BMP1: variants seen among roughly 807,000 people sequenced by gnomAD.
BMP1 encodes bone morphogenetic protein 1, also known as mammalian tolloid protein.
A neutral mutation model predicts 116.8 loss-of-function variants in BMP1; 63 were observed. The observed-to-expected ratio is 0.54, with a 90% CI of 0.44 to 0.67. BMP1 has a LOEUF of 0.67. Among genes scored for constraint, BMP1 ranks in the 30% least tolerant of loss-of-function variants. The pLI, the probability that BMP1 is intolerant of heterozygous loss-of-function variation, is 0.00. For synonymous variants in BMP1, 536 were observed against 533.4 expected (o/e 1.00, Z -0.07); for missense variants, 1,183 against 1,358.9 (o/e 0.87, Z 2.04).
chr8:22,207,180 C>T, intron 17 of BMP1, 123 bp from the exon 18 acceptor site: 2 of 1,382,628 alleles, frequency 1.4e-6, no homozygotes, highest in Non-Finnish European at 2.0e-6. Context: ...CCCTCCTTCA[C>T]TGTCATCCCC....
rs140537558 is a variant in BMP1 at position 22,211,020 on chromosome 8, G to A, written c.2827-574G>A. On this transcript the variant is annotated intron_variant, in intron 19 of 19. Transcript: ENST00000306385. The stretch of plus-strand genomic sequence containing the variant: ...TGCAGGAGGCACCTAAGAAGGGCTC[G>A]GGAGCAGACCTTGGCCAGGTGCCAG... 4.0e-3 allele frequency among the ~76,000 whole-genome samples: 612 copies of A among 152,330 alleles called. 8 individuals are homozygous for A. The highest frequency in any genetic ancestry group is 0.02 in the Middle Eastern group (6 of 294).
chr8:22,201,894 C>T lies in BMP1; in HGVS notation c.2199C>T (p.Phe733=), dbSNP rs751506563. Residue 733 remains phenylalanine, a synonymous_variant, in exon 16 of 20, where the codon TTC becomes TTT. Coordinates refer to ENST00000306385, the MANE Select transcript of BMP1 (RefSeq NM_006129.5). ...ATGAGTGCCAATGCCGCAGTGGCTT[C>T]GTCCTCCATGACAACAAGCACGACT... is the stretch of plus-strand genomic sequence containing the variant. ...GSYECQCRSG[F]VLHDNKHDCK... 5.6e-6 allele frequency: 9 copies of T among 1,613,760 alleles called. No homozygotes were observed. Among genetic ancestry groups the T allele is most frequent in the South Asian group, 1.1e-5 (1 of 91,050 alleles).
chr8:22,178,211 C>T (rs947795033), intron 6 of BMP1, among the ~76,000 whole-genome samples: 1 of 152,250 alleles, frequency 6.6e-6, no homozygotes, highest in African/African-American at 2.4e-5. Context: ...AACCCAGCCA[C>T]TCTGCAAGCC....
At chr8:22,207,622 C>T (rs369747580) in intron 18 of BMP1, 106 bp downstream of exon 18, 14 of 1,270,456 alleles carry the variant, frequency 1.1e-5, no homozygotes, top group East Asian at 5.0e-5. Context: ...CTGAGCCCTG[C>T]GACCCAGGGC....
intron 1 of BMP1, among the ~76,000 whole-genome samples, chr8:22,172,607 CTTTTTTTTTT>C (rs368585884): frequency 2.1e-5 from 2 of 97,322 alleles, no homozygotes; most frequent in South Asian, 6.3e-4. Context: ...TTTATTTCCT[CTTTTTTTTTT>C]TTTTTTTTTT....
intron 13 of BMP1, chr8:22,196,298 C>G: frequency 1.8e-6 from 1 of 553,576 alleles, no homozygotes; most frequent in Non-Finnish European, 3.5e-6. Flanking sequence ...CTCCAGCTCA[C>G]TAGGCCGATC....
Position 22,207,494 on chromosome 8 carries a change from C to G in BMP1, c.2553C>G (p.Gly851=), listed in dbSNP as rs1346837695. 8 of 1,613,424 alleles carry G rather than the reference C, an allele frequency of 5.0e-6. No individual in the cohort carries two copies. The highest frequency in any genetic ancestry group is 1.1e-5 in the South Asian group (1 of 91,088). Residue 851 remains glycine, a synonymous_variant, in exon 18 of 20, where the codon GGC becomes GGG. Transcript: ENST00000306385. ...CAGATAACTCGGTCCAGCGAAAGGG[C>G]TTCCAGGCCTCCCACGCCACAGGTA... is the stretch of plus-strand genomic sequence containing the variant. ...FYSDNSVQRK[G]FQASHATECG... is the part of the protein sequence containing the mutation.
intron 3 of BMP1, 42 bp downstream of exon 3, chr8:22,176,355 G>C: frequency 6.4e-7 from 1 of 1,566,306 alleles, no homozygotes; most frequent in Non-Finnish European, 8.7e-7. Flanking sequence ...ACCAGCTTCC[G>C]GGCCTGGCCT....
chr8:22,201,371 C>T (rs554065572), intron 15 of BMP1: 73 of 1,472,172 alleles, frequency 5.0e-5, no homozygotes, highest in African/African-American at 2.3e-4. Context: ...TGCCCGTCCG[C>T]GGACCGGGGA....
At chr8:22,209,401 A>C in intron 18 of BMP1, 44 bp from the exon 19 acceptor site, 1 of 1,602,280 alleles carries the variant, frequency 6.2e-7, no homozygotes, top group Non-Finnish European at 8.5e-7. Context: ...GGGGCCTGGC[A>C]CCTGCGGTGC....
Position 22,211,830 on chromosome 8 carries a change from G to T in BMP1, c.*102G>T. On this transcript the variant is annotated 3_prime_UTR_variant, in exon 20 of 20. Coordinates refer to ENST00000306385, the MANE Select transcript of BMP1 (RefSeq NM_006129.5). ...GGCAACGCACCATCCCTCTCCCCCA[G>T]GCCCCAGGACCTGCAGGGCCAATGG... 1 of 1,569,370 alleles carries T rather than the reference G, an allele frequency of 6.4e-7. No homozygotes were observed.
chr8:22,199,085 A>G (rs773947747), intron 15 of BMP1: 7 of 1,366,990 alleles, frequency 5.1e-6, no homozygotes, highest in Non-Finnish European at 5.9e-6. Flanking sequence ...CTCTGCCCCC[A>G]TGCCCTGGTC....
chr8:22,209,868 C>G (rs1829430587), intron 19 of BMP1, among the ~76,000 whole-genome samples, 173 bp downstream of exon 19: 1 of 152,260 alleles, frequency 6.6e-6, no homozygotes, highest in African/African-American at 2.4e-5. Context: ...TGGGGCTACT[C>G]AGAGACACTG....
intron 13 of BMP1, chr8:22,196,097 TTTG>T (rs1343663503): frequency 2.6e-5 from 12 of 467,396 alleles, no homozygotes; most frequent in Non-Finnish European, 4.7e-5. Flanking sequence ...TTGGGTTTGT[TTTG>T]TTTTTTCATT....
chr8:22,211,772 G>A lies in BMP1; in HGVS notation c.*44G>A, dbSNP rs75202363. The A allele has an allele frequency of 1.2e-6, 2 of 1,613,530 alleles. No individual in the cohort carries two copies. The highest frequency in any genetic ancestry group is 4.5e-5 in the East Asian group (2 of 44,874). ...CGGGGACTGGAGCCTGCTGCCCTTG[G>A]TCGCCTAGACTGGATAGTGGGGGTG... On this transcript the variant is annotated 3_prime_UTR_variant, in exon 20 of 20. Coordinates refer to ENST00000306385, the MANE Select transcript of BMP1 (RefSeq NM_006129.5).
intron 7 of BMP1, among the ~76,000 whole-genome samples, chr8:22,180,068 G>A (rs1282575726): frequency 6.6e-6 from 1 of 152,130 alleles, no homozygotes; most frequent in African/African-American, 2.4e-5. Flanking sequence ...CGGAAGTGGG[G>A]AGAACAGCAA....
intron 16 of BMP1, among the ~76,000 whole-genome samples, chr8:22,206,450 C>T (rs1184244512): frequency 4.0e-5 from 6 of 149,630 alleles, no homozygotes; most frequent in Non-Finnish European, 5.9e-5. Flanking sequence ...TGCAGTGAGC[C>T]GAGATCACAC....
intron 1 of BMP1, 126 bp downstream of exon 1, chr8:22,165,679 G>T: frequency 5.4e-6 from 4 of 747,146 alleles, no homozygotes; most frequent in Non-Finnish European, 5.5e-6. Context: ...ATGCAGTGGG[G>T]AACAAAAGAA....
chr8:22,194,791 C>A lies in BMP1; in HGVS notation c.1511C>A (p.Thr504Asn), dbSNP rs775268179. Residue 504 changes from threonine (T) to asparagine (N), a missense_variant, in exon 12 of 20, where the codon ACC becomes AAC. Transcript: ENST00000306385. This position sits in a 1 kb window ranked among gnomAD's most constrained non-coding sequence, Gnocchi z 4.5. ...CGCGACGGGCACAGTGAGAGCAGCA[C>A]CCTCATCGGGCGCTACTGTGGCTAT... ...EVRDGHSESS[T>N]LIGRYCGYEK... 3.1e-6 allele frequency: 5 copies of A among 1,613,986 alleles called. No individual in the cohort carries two copies. The highest frequency in any genetic ancestry group is 3.3e-4 in the Middle Eastern group (2 of 6,060).
Sources: allele counts gnomAD v4.1 joint callset (sites outside exome capture counted in the v4.1 genomes callset), GRCh38; gene constraint gnomAD v4.1.1; non-coding constraint Gnocchi (gnomAD v3.1); transcripts MANE v1.5; gene names NCBI Gene and HGNC (gene_info 2026-07-23, HGNC 2026-07-21).